The following ICA1L variants were observed in gnomAD, a reference collection of about 807,000 sequenced individuals.
ICA1L encodes the protein islet cell autoantigen 1 like.
In ICA1L, 50 loss-of-function variants were observed where a neutral mutation model predicts 61.3. That is an observed-to-expected ratio of 0.82 (90% CI 0.65 to 1.03). The LOEUF is 1.03. Ranked by LOEUF, ICA1L falls within the 50% of genes least tolerant of loss-of-function variation. The pLI, the probability that ICA1L is intolerant of heterozygous loss-of-function variation, is 0.00. For missense variants in ICA1L, 508 were observed against 556.7 expected (o/e 0.91, Z 0.88); for synonymous variants, 161 against 191.3 (o/e 0.84, Z 1.31).
Position 202,821,415 on chromosome 2 carries a change from T to C in ICA1L, c.302A>G (p.Gln101Arg), listed in dbSNP as rs1273914060. 1.2e-6 allele frequency: 2 copies of C among 1,613,646 alleles called. No individual in the cohort carries two copies. The highest frequency in any genetic ancestry group is 2.2e-5 in the South Asian group (2 of 91,022). ...LKFQAERDATQAGKMMDATGK... is the reference protein window; with the variant it reads ...LKFQAERDATRAGKMMDATGK... ...AGTGGCATCCATCATTTTGCCAGCT[T>C]GAGTTGCATCCCGTTCTGCTTGAAA... Residue 101 changes from glutamine to arginine, a missense_variant, in exon 4 of 13, where the codon CAA becomes CGA. Physicochemically the swap from Gln to Arg is conservative, Grantham distance 43. Coordinates refer to ENST00000358299, the MANE Select transcript of ICA1L (RefSeq NM_001288622.3).
intron 11 of ICA1L, among the ~76,000 whole-genome samples, chr2:202,787,488 T>A (rs1446102306): frequency 1.3e-5 from 2 of 152,258 alleles, no homozygotes; most frequent in Non-Finnish European, 1.5e-5. Flanking sequence ...ACATCTGAAT[T>A]ATCCCAGATA....
intron 12 of ICA1L, among the ~76,000 whole-genome samples, chr2:202,782,234 A>G (rs1230752999): frequency 6.6e-6 from 1 of 151,918 alleles, no homozygotes; most frequent in Admixed American, 6.6e-5. Flanking sequence ...AATCGCAGCT[A>G]CTCGGGAGGC....
intron 2 of ICA1L, 130 bp downstream of exon 2, chr2:202,828,718 C>T (rs1284914821): frequency 1.3e-6 from 1 of 793,220 alleles, no homozygotes; most frequent in Non-Finnish European, 2.0e-6. Flanking sequence ...CAGATGGATA[C>T]AACTAAACAT....
chr2:202,785,207 ACT>A (rs1459955138), intron 12 of ICA1L, among the ~76,000 whole-genome samples: 1 of 148,942 alleles, frequency 6.7e-6, no homozygotes, highest in Non-Finnish European at 1.5e-5. Flanking sequence ...TGACAGCGAG[ACT>A]CTGTCTCAAT....
intron 1 of ICA1L, among the ~76,000 whole-genome samples, chr2:202,837,346 C>T (rs1200795475): frequency 1.3e-5 from 2 of 151,510 alleles, no homozygotes; most frequent in Admixed American, 6.6e-5. Context: ...TGCAGTGGTG[C>T]GATCTCGGCT....
chr2:202,840,909 G>A lies in ICA1L; in HGVS notation c.-7-11893C>T, dbSNP rs571973667. 223 of 713,994 alleles carry A rather than the reference G, an allele frequency of 3.1e-4. 3 individuals carry two copies. Among genetic ancestry groups the A allele is most frequent in the South Asian group, 2.6e-3 (192 of 73,222 alleles). 44.2% of individuals were successfully genotyped at this position (713,994 alleles called of 1,614,324 possible). On this transcript the variant is annotated intron_variant, in intron 1 of 12. Transcript: ENST00000358299. ...GTCATCCCCGTGCTTCCCAGCCAGC[G>A]TCTGCAGTTCCTCATACTTGATCTG...
intron 1 of ICA1L, among the ~76,000 whole-genome samples, chr2:202,860,449 T>C (rs542280957): frequency 1.8e-4 from 27 of 152,238 alleles, no homozygotes; most frequent in Non-Finnish European, 3.4e-4. Flanking sequence ...CAAATGCATG[T>C]AATTTAAAAG....
At chr2:202,817,035 A>G (rs923553753) in intron 6 of ICA1L, among the ~76,000 whole-genome samples, 5 of 152,204 alleles carry the variant, frequency 3.3e-5, no homozygotes, top group African/African-American at 4.8e-5. Context: ...AAAATGACAG[A>G]AAAGGTTTTA....
chr2:202,786,032 T>C (rs553607646), intron 11 of ICA1L, 25 bp from the exon 12 acceptor site: 2 of 1,358,350 alleles, frequency 1.5e-6, no homozygotes, highest in South Asian at 2.5e-5. Context: ...GTAAAAATTG[T>C]CCATTGTTAA....
At chr2:202,789,176 T>C in intron 10 of ICA1L, 89 bp from the exon 11 acceptor site, 2 of 1,063,132 alleles carry the variant, frequency 1.9e-6, no homozygotes, top group Non-Finnish European at 2.8e-6. Flanking sequence ...GTTTCATTGT[T>C]TTCATACTGT....
intron 1 of ICA1L, among the ~76,000 whole-genome samples, chr2:202,857,928 T>A (rs555012854): frequency 2.6e-4 from 40 of 152,302 alleles, no homozygotes; most frequent in African/African-American, 8.9e-4. Context: ...AGATACCATC[T>A]CACGCCAGTT....
intron 2 of ICA1L, among the ~76,000 whole-genome samples, chr2:202,826,990 G>A (rs1453043800): frequency 1.3e-5 from 2 of 152,140 alleles, no homozygotes; most frequent in African/African-American, 4.8e-5. Flanking sequence ...CTTAAAAGGA[G>A]GAGCAGGCAT....
Position 202,782,391 on chromosome 2 carries a change from G to T in ICA1L, c.1334-2743C>A, listed in dbSNP as rs139925468. 5.4e-3 allele frequency among the ~76,000 whole-genome samples: 820 copies of T among 151,332 alleles called. 4 individuals carry two copies. Among genetic ancestry groups the T allele is most frequent in the African/African-American group, 0.019 (782 of 41,354 alleles). On this transcript the variant is annotated intron_variant, in intron 12 of 12. Coordinates refer to ENST00000358299, the MANE Select transcript of ICA1L (RefSeq NM_001288622.3). ...AAACATCAATTTTATTAATTTTTTT[G>T]TTGTTGTTTGTTTTGTTTTTGGTTT...
intron 3 of ICA1L, chr2:202,821,705 C>T (rs971898261): frequency 1.5e-5 from 4 of 274,422 alleles, no homozygotes; most frequent in Admixed American, 5.3e-5. Context: ...CAGATGGTTT[C>T]GACACAGTGA....
At position 202,816,415 on chromosome 2, in the gene ICA1L, T is replaced by C. The variant is rs753950038; in HGVS notation, c.685-406A>G. ...GATGGGAATATATAAAACTTTTTAA[T>C]TGGAGAAAAATTACATTTACCACTA... On this transcript the variant is annotated intron_variant, in intron 6 of 12. Coordinates refer to ENST00000358299, the MANE Select transcript of ICA1L (RefSeq NM_001288622.3). Among the ~76,000 whole-genome samples the C allele has an allele frequency of 4.6e-5, 7 of 152,346 alleles. No individual in the cohort carries two copies. In the Middle Eastern group the frequency reaches 0.014, roughly 296 times the overall value.
rs948414551 is a variant in ICA1L, at chr2:202,775,758, A to G, written c.*3775T>C. On this transcript the variant is annotated 3_prime_UTR_variant, in exon 13 of 13. Coordinates refer to ENST00000358299, the MANE Select transcript of ICA1L (RefSeq NM_001288622.3). ...GGTCTCAAACTCCCAACTTCAAGTG[A>G]TCTGCCTGCCTTGGCCTCCCAAAGT... 11 of 152,364 alleles carry G rather than the reference A, an allele frequency of 7.2e-5. No individual in the cohort carries two copies. Among genetic ancestry groups the G allele is most frequent in the African/African-American group, 2.6e-4 (11 of 41,578 alleles). 9.4% of individuals were successfully genotyped at this position (152,364 alleles called of 1,614,324 possible).
Position 202,821,486 on chromosome 2 carries a change from G to GA in ICA1L, c.236-6dup. ...CATTTTCTTCCTCTGATATAACTAG[G>GA]AAAAAAATTACAGTGTAGTTAATTG... is the stretch of plus-strand genomic sequence containing the variant. On this transcript the variant is annotated splice_region_variant and splice_polypyrimidine_tract_variant and intron_variant, in intron 3 of 12. Transcript: ENST00000358299. 1 of 1,590,734 alleles carries GA rather than the reference G, an allele frequency of 6.3e-7. No individual in the cohort carries two copies. The highest frequency in any genetic ancestry group is 8.5e-7 in the Non-Finnish European group (1 of 1,170,052).
intron 10 of ICA1L, among the ~76,000 whole-genome samples, chr2:202,789,339 AAGTC>A (rs1692679116): frequency 6.6e-6 from 1 of 152,232 alleles, no homozygotes; most frequent in Admixed American, 6.5e-5. Context: ...GCTACCACCT[AAGTC>A]AGAAACCAAA....
intron 1 of ICA1L, among the ~76,000 whole-genome samples, chr2:202,858,715 G>A (rs181636853): frequency 2.1e-4 from 32 of 152,302 alleles, no homozygotes; most frequent in African/African-American, 7.5e-4. Context: ...CATAGCCATG[G>A]TTTGCCACTG....
Sources: allele counts gnomAD v4.1 joint callset (sites outside exome capture counted in the v4.1 genomes callset), GRCh38; gene constraint gnomAD v4.1.1; transcripts MANE v1.5; gene names NCBI Gene and HGNC (gene_info 2026-07-23, HGNC 2026-07-21).